DDX60: variants seen among roughly 807,000 people sequenced by gnomAD.
DDX60 encodes the protein probable ATP-dependent RNA helicase DDX60.
In DDX60, 165 loss-of-function variants were observed where a neutral mutation model predicts 212.8. The ratio of observed to expected loss-of-function variants is 0.78; its 90% CI spans 0.68 to 0.88. The LOEUF (loss-of-function observed/expected upper bound fraction) is 0.88. DDX60 is among the 40% of genes least tolerant of loss of function. The pLI is 0.00. For synonymous variants in DDX60, 703 were observed against 685.3 expected, an observed-to-expected ratio of 1.03 and a Z score of -0.40; for missense variants, 1,905 against 2,003.9, an observed-to-expected ratio of 0.95 and a Z score of 0.94.
rs768396338 is a variant in DDX60, at chr4:168,293,790, T to C, written c.879A>G (p.Gln293=). Reference sequence around the variant, plus strand: ...AGTAAAGTTATAAAAACCACACCTGTTGGATCTCAGTTTCCTGACCAGAGG... The same window carrying C: ...AGTAAAGTTATAAAAACCACACCTGCTGGATCTCAGTTTCCTGACCAGAGG... ...EPSSGQETEI[Q]QVNSNCLTLQ... Residue 293 remains glutamine, a synonymous_variant, in exon 7 of 38, where the codon CAA becomes CAG. Coordinates refer to ENST00000393743, the MANE Select transcript of DDX60 (RefSeq NM_017631.6). 2.4e-5 allele frequency: 38 copies of C among 1,604,272 alleles called. No homozygotes were observed. Among genetic ancestry groups the C allele is most frequent in the Non-Finnish European group, 3.1e-5 (37 of 1,177,048 alleles).
chr4:168,248,727 G>A (rs1344194889), intron 28 of DDX60, among the ~76,000 whole-genome samples: 2 of 151,626 alleles, frequency 1.3e-5, no homozygotes, highest in Non-Finnish European at 2.9e-5. Context: ...CACAGCATCC[G>A]TAAGAGTACC....
intron 28 of DDX60, among the ~76,000 whole-genome samples, chr4:168,249,890 G>C (rs926845811): frequency 6.6e-6 from 1 of 152,034 alleles, no homozygotes; most frequent in Admixed American, 6.5e-5. Flanking sequence ...ATGCTACCTA[G>C]AGTAGCAGAA....
intron 26 of DDX60, 89 bp from the exon 27 acceptor site, chr4:168,252,745 A>G: frequency 2.0e-6 from 2 of 980,572 alleles, no homozygotes; most frequent in South Asian, 3.3e-5. Flanking sequence ...GATGCCCAAG[A>G]CTTCCCAAGT....
upstream of DDX60, among the ~76,000 whole-genome samples, chr4:168,323,622 A>G (rs2149563963): frequency 6.6e-6 from 1 of 152,298 alleles, no homozygotes; most frequent in African/African-American, 2.4e-5. Context: ...TCCAAAGGGG[A>G]TAAGAAATGT....
intron 23 of DDX60, 91 bp from the exon 24 acceptor site, chr4:168,262,219 G>C (rs957116244): frequency 7.1e-7 from 1 of 1,401,150 alleles, no homozygotes; most frequent in East Asian, 2.5e-5. Flanking sequence ...AGCCTTACAA[G>C]TTTCTTGAGC....
At chr4:168,322,805 G>A (rs1183860883), upstream of DDX60, among the ~76,000 whole-genome samples, 1 of 152,140 alleles carries the variant, frequency 6.6e-6, no homozygotes, top group East Asian at 1.9e-4. Context: ...TGCCACACAG[G>A]GCCACACCGG....
At chr4:168,304,046 T>C (rs1736769021) in intron 5 of DDX60, among the ~76,000 whole-genome samples, 1 of 152,188 alleles carries the variant, frequency 6.6e-6, no homozygotes, top group Non-Finnish European at 1.5e-5. Context: ...TACTTGATCA[T>C]GATAAAAATG....
At chr4:168,238,276 T>C (rs1002648462) in intron 30 of DDX60, among the ~76,000 whole-genome samples, 6 of 131,076 alleles carry the variant, frequency 4.6e-5, no homozygotes, top group African/African-American at 1.4e-4. Flanking sequence ...ATCACCAAAA[T>C]TGAAACTTAA....
intron 3 of DDX60, among the ~76,000 whole-genome samples, chr4:168,309,309 C>T (rs1737030382): frequency 6.6e-6 from 1 of 152,106 alleles, no homozygotes; most frequent in African/African-American, 2.4e-5. Context: ...TCCCAAAAAG[C>T]AGAGAAAGTC....
At position 168,287,886 on chromosome 4, in the gene DDX60, C is replaced by T. The variant is rs557275637; in HGVS notation, c.1183+288G>A. Among the ~76,000 whole-genome samples, 7 of 152,154 alleles carry T rather than the reference C, an allele frequency of 4.6e-5. 1 individual carries two copies. The East Asian group carries it at 1.3e-3, about 29-fold the overall frequency. ...TTAAACTTTATGAAGAAATATTATG[C>T]ATGCATTTAAATGAAAAGTTCAACT... On this transcript the variant is annotated intron_variant, in intron 9 of 37. Transcript: ENST00000393743.
chr4:168,221,606 G>A, intron 36 of DDX60, 124 bp downstream of exon 36: 2 of 1,014,928 alleles, frequency 2.0e-6, no homozygotes, highest in Non-Finnish European at 2.8e-6. Context: ...AATCTAGTAT[G>A]TTTAGTATGA....
intron 26 of DDX60, among the ~76,000 whole-genome samples, chr4:168,253,522 T>C (rs758406235): frequency 6.6e-6 from 1 of 152,098 alleles, no homozygotes; most frequent in Non-Finnish European, 1.5e-5. Context: ...CTCCTGGGGA[T>C]GGGAAATAGC....
At chr4:168,244,451 G>A (rs1266044230) in intron 30 of DDX60, among the ~76,000 whole-genome samples, 1 of 152,208 alleles carries the variant, frequency 6.6e-6, no homozygotes, top group East Asian at 1.9e-4. Context: ...CAGGGGCCAG[G>A]TGCAGTGGCT....
chr4:168,287,414 T>G (rs548445725), intron 9 of DDX60, among the ~76,000 whole-genome samples: 1 of 152,212 alleles, frequency 6.6e-6, no homozygotes, highest in African/African-American at 2.4e-5. Context: ...TTATTGTTAA[T>G]AACTAAGTAT....
intron 1 of DDX60, among the ~76,000 whole-genome samples, chr4:168,317,380 A>G (rs1376309071): frequency 6.6e-6 from 1 of 152,152 alleles, no homozygotes; most frequent in Admixed American, 6.5e-5. Flanking sequence ...AAACAATCTT[A>G]AAAAGGAAGA....
intron 22 of DDX60, among the ~76,000 whole-genome samples, chr4:168,263,930 C>T (rs1033716605): frequency 6.6e-6 from 1 of 152,144 alleles, no homozygotes; most frequent in African/African-American, 2.4e-5. Context: ...TGGGATTTCT[C>T]ACTGGAAATG....
In DDX60 at chr4:168,273,261, T is replaced by G. The variant is rs763327501; in HGVS notation, c.2574+18A>C. On this transcript the variant is annotated intron_variant, in intron 18 of 37. Transcript: ENST00000393743. Reference sequence around the variant, plus strand: ...GTTATATAATTTGATAACACACTTATTAATTAAAATACCCTACCTGACAGT... The same window carrying G: ...GTTATATAATTTGATAACACACTTAGTAATTAAAATACCCTACCTGACAGT... 3.7e-6 allele frequency: 6 copies of G among 1,607,360 alleles called. No individual in the cohort carries two copies. The highest frequency in any genetic ancestry group is 1.7e-6 in the Non-Finnish European group (2 of 1,177,228).
intron 33 of DDX60, among the ~76,000 whole-genome samples, chr4:168,231,945 G>T (rs1328603160): frequency 1.3e-5 from 2 of 151,908 alleles, no homozygotes; most frequent in African/African-American, 4.8e-5. Context: ...CCAATGATAT[G>T]ACTGAACACC....
intron 19 of DDX60, among the ~76,000 whole-genome samples, chr4:168,269,864 T>G (rs1735015400): frequency 6.6e-6 from 1 of 152,192 alleles, no homozygotes; most frequent in Non-Finnish European, 1.5e-5. Context: ...TTATTCCCTC[T>G]GCTTAAAATA....
Sources: allele counts gnomAD v4.1 joint callset (sites outside exome capture counted in the v4.1 genomes callset), GRCh38; gene constraint gnomAD v4.1.1; transcripts MANE v1.5; gene names NCBI Gene and HGNC (gene_info 2026-07-23, HGNC 2026-07-21).